The following PHACTR3 variants were observed in gnomAD, a reference collection of about 807,000 sequenced individuals.
PHACTR3 encodes the protein protein phosphatase 1, regulatory subunit 123.
Under a neutral mutation model 66.8 loss-of-function variants are expected in PHACTR3, and 16 were observed. The observed-to-expected ratio is 0.24, with a 90% CI of 0.16 to 0.36. The LOEUF is 0.36. Ranked by LOEUF, PHACTR3 falls within the 10% of genes least tolerant of loss-of-function variation. The probability of loss-of-function intolerance (pLI) is 1.00; values close to 1 mark genes in which losing one functional copy is unlikely to be tolerated. For missense variants in PHACTR3, 647 were observed against 719.9 expected (o/e 0.90, Z 1.16); for synonymous variants, 323 against 292.1 (o/e 1.11, Z -1.08).
rs546051936 is a variant in PHACTR3 at position 59,768,887 on chromosome 20, G to A, written c.751+1492G>A. Among the ~76,000 whole-genome samples, 15 of 152,400 alleles carry A rather than the reference G, an allele frequency of 9.8e-5. No individual in the cohort carries two copies. In the East Asian group the frequency reaches 2.9e-3, roughly 29 times the overall value. On this transcript the variant is annotated intron_variant, in intron 5 of 12. Transcript: ENST00000371015. ...GGAGGTGAGATGCACCCCACAGGGG[G>A]CCTCTTTAGCTGGGACTGCAGATGT... is the stretch of plus-strand genomic sequence containing the variant.
At chr20:59,678,836 C>A (rs1483003845) in intron 1 of PHACTR3, among the ~76,000 whole-genome samples, 1 of 152,122 alleles carries the variant, frequency 6.6e-6, no homozygotes, top group Non-Finnish European at 1.5e-5. Context: ...CTCCTTCTGC[C>A]GGACCAGAAG....
At chr20:59,674,975 TCTGTTCCCCCCTCTC>T (rs1318183496) in intron 1 of PHACTR3, among the ~76,000 whole-genome samples, 2 of 34,536 alleles carry the variant, frequency 5.8e-5, no homozygotes, top group African/African-American at 3.1e-4. Flanking sequence ...TTCCTCCCCT[TCTGTTCCCCCCTCTC>T]CTGTTCCCCC....
At chr20:59,766,840 G>C (rs2040196392) in intron 4 of PHACTR3, among the ~76,000 whole-genome samples, 1 of 152,238 alleles carries the variant, frequency 6.6e-6, no homozygotes, top group African/African-American at 2.4e-5. Context: ...TAAGGTCCAA[G>C]AGTAAATTCA....
intron 7 of PHACTR3, among the ~76,000 whole-genome samples, chr20:59,795,688 G>T (rs1045401866): frequency 6.6e-6 from 1 of 151,952 alleles, no homozygotes; most frequent in Non-Finnish European, 1.5e-5. Flanking sequence ...ATTTACAATG[G>T]TAACATCCTC....
chr20:59,610,811 G>A (rs1209851198), intron 1 of PHACTR3, among the ~76,000 whole-genome samples: 1 of 152,222 alleles, frequency 6.6e-6, no homozygotes, highest in Non-Finnish European at 1.5e-5. Flanking sequence ...GTTCCCCAAT[G>A]AATGCTGACA....
intron 9 of PHACTR3, among the ~76,000 whole-genome samples, chr20:59,839,479 G>A (rs960494125): frequency 6.6e-6 from 1 of 152,194 alleles, no homozygotes; most frequent in Non-Finnish European, 1.5e-5. Flanking sequence ...ACCTACCAGT[G>A]TTTCTAGGAG....
chr20:59,847,157 T>TTTAA lies in PHACTR3; in HGVS notation c.*30_*33dup. The stretch of plus-strand genomic sequence containing the variant: ...GATTTTCTTCTGAGAAGAATTTGTG[T>TTTAA]TTAATTTTTTGATACCAACACTGAA... On this transcript the variant is annotated 3_prime_UTR_variant, in exon 13 of 13. Coordinates refer to ENST00000371015, the MANE Select transcript of PHACTR3 (RefSeq NM_080672.5). 1 of 1,501,518 alleles carries TTTAA rather than the reference T, an allele frequency of 6.7e-7. No homozygotes were observed. 93.0% of individuals were successfully genotyped at this position (1,501,518 alleles called of 1,614,324 possible).
At chr20:59,704,828 G>T (rs1278999568) in intron 1 of PHACTR3, among the ~76,000 whole-genome samples, 2 of 151,582 alleles carry the variant, frequency 1.3e-5, no homozygotes, top group Non-Finnish European at 2.9e-5. Context: ...AGTTATATCA[G>T]ATCAGATTAT....
chr20:59,825,606 C>G (rs1389999996), intron 8 of PHACTR3, among the ~76,000 whole-genome samples: 1 of 152,180 alleles, frequency 6.6e-6, no homozygotes, highest in Admixed American at 6.5e-5. Context: ...ACAAAATACA[C>G]AAATGCACTG....
At chr20:59,693,462 C>T (rs1418960442) in intron 1 of PHACTR3, among the ~76,000 whole-genome samples, 1 of 152,186 alleles carries the variant, frequency 6.6e-6, no homozygotes, top group African/African-American at 2.4e-5. Context: ...CATGTGCTCT[C>T]ACTGAGCTCT....
chr20:59,780,473 C>G (rs777980606), intron 7 of PHACTR3, among the ~76,000 whole-genome samples: 1 of 152,166 alleles, frequency 6.6e-6, no homozygotes, highest in Non-Finnish European at 1.5e-5. Flanking sequence ...TTCTATGTGT[C>G]CTCACATGGC....
chr20:59,602,082 A>G (rs1160709692), upstream of PHACTR3, among the ~76,000 whole-genome samples: 13 of 152,162 alleles, frequency 8.5e-5, no homozygotes, highest in Admixed American at 7.9e-4. Flanking sequence ...TCCTTATGGT[A>G]ACATTAAGGA....
At chr20:59,659,861 G>A (rs958675151) in intron 1 of PHACTR3, among the ~76,000 whole-genome samples, 1 of 152,134 alleles carries the variant, frequency 6.6e-6, no homozygotes, top group South Asian at 2.1e-4. Context: ...AGCCCGGCCA[G>A]CAGATGCAGG....
chr20:59,821,259 C>T (rs2042022295), intron 8 of PHACTR3, among the ~76,000 whole-genome samples: 1 of 152,138 alleles, frequency 6.6e-6, no homozygotes, highest in Non-Finnish European at 1.5e-5. Flanking sequence ...ACGTTAGAGC[C>T]ACCCCACTCC....
At chr20:59,618,692 A>G (rs76146985) in intron 1 of PHACTR3, among the ~76,000 whole-genome samples, 2,045 of 152,340 alleles carry the variant, frequency 0.013, 46 homozygotes, top group African/African-American at 0.047. Flanking sequence ...ATCCTCATGC[A>G]GGAGCCCTGA....
chr20:59,755,202 AACCCCGATGGAGG>A lies in PHACTR3; in HGVS notation c.388_400del (p.Gly130LeufsTer14). On this transcript the variant is annotated frameshift_variant, in exon 4 of 13. Transcript: ENST00000371015. LOFTEE classifies it high-confidence loss of function. ...TGTAGATGCTGAAAGCAAAACTTGC[AACCCCGATGGAGG>A]ACCCCGATCTGTACAGAGTGAACCA... 1 of 1,613,052 alleles carries A rather than the reference AACCCCGATGGAGG, an allele frequency of 6.2e-7. No homozygotes were observed. Among genetic ancestry groups the A allele is most frequent in the Non-Finnish European group, 8.5e-7 (1 of 1,179,908 alleles).
At chr20:59,687,166 ATGG>A (rs1244037886) in intron 1 of PHACTR3, among the ~76,000 whole-genome samples, 1 of 149,870 alleles carries the variant, frequency 6.7e-6, no homozygotes, top group Non-Finnish European at 1.5e-5. Flanking sequence ...GGTGATTGTG[ATGG>A]TGGTGGTGAT....
intron 1 of PHACTR3, among the ~76,000 whole-genome samples, chr20:59,624,039 G>A (rs957159235): frequency 1.3e-5 from 2 of 152,134 alleles, no homozygotes; most frequent in Non-Finnish European, 2.9e-5. Context: ...GAGAGTGGTT[G>A]GGAGCTGCTG....
chr20:59,743,661 C>T (rs1452044230), intron 2 of PHACTR3, among the ~76,000 whole-genome samples: 1 of 152,230 alleles, frequency 6.6e-6, no homozygotes, highest in Non-Finnish European at 1.5e-5. Flanking sequence ...CCACGCGACT[C>T]CCGCACCACC....
Sources: gnomAD v4.1 joint callset for allele counts (sites outside exome capture counted in the v4.1 genomes callset) on GRCh38, gnomAD v4.1.1 for gene constraint, MANE v1.5 for transcripts, NCBI Gene and HGNC (gene_info 2026-07-23, HGNC 2026-07-21) for gene names.